The following CTNNA3 variants were observed in gnomAD, a reference collection of about 807,000 sequenced individuals.
The protein encoded by CTNNA3 is catenin alpha-3.
A neutral mutation model predicts 95.7 loss-of-function variants in CTNNA3; 76 were observed. The observed-to-expected ratio is 0.79, with a 90% CI of 0.66 to 0.96. The LOEUF is 0.96. CTNNA3 is among the 40% of genes least tolerant of loss of function. The probability of loss-of-function intolerance (pLI) is 0.00; values close to 1 mark genes in which losing one functional copy is unlikely to be tolerated. For missense variants in CTNNA3, 1,191 were observed against 1,089.8 expected (o/e 1.09, Z -1.31); for synonymous variants, 431 against 374.4 (o/e 1.15, Z -1.74).
At chr10:66,659,247 T>C (rs992304274) in intron 9 of CTNNA3, among the ~76,000 whole-genome samples, 1 of 151,614 alleles carries the variant, frequency 6.6e-6, no homozygotes, top group Admixed American at 6.6e-5. Context: ...ACTTCAGATA[T>C]ACAATGCTCA....
intron 13 of CTNNA3, among the ~76,000 whole-genome samples, chr10:66,122,297 T>A (rs2082617016): frequency 6.6e-6 from 1 of 151,848 alleles, no homozygotes; most frequent in Non-Finnish European, 1.5e-5. Flanking sequence ...ACTTCCCAAA[T>A]TGAAATGTGA....
At chr10:66,821,161 C>T (rs1057338843) in intron 7 of CTNNA3, among the ~76,000 whole-genome samples, 1 of 151,946 alleles carries the variant, frequency 6.6e-6, no homozygotes, top group Non-Finnish European at 1.5e-5. Context: ...ACATAGTTTC[C>T]TTGTAAATTT....
chr10:66,928,319 C>T, intron 7 of CTNNA3: 5 of 1,614,136 alleles, frequency 3.1e-6, no homozygotes, highest in Non-Finnish European at 4.2e-6. Flanking sequence ...AAAAGACAGT[C>T]CCTAAAGCAA....
At chr10:67,684,804 G>A (rs1021542576) in intron 1 of CTNNA3, among the ~76,000 whole-genome samples, 12 of 152,200 alleles carry the variant, frequency 7.9e-5, no homozygotes, top group South Asian at 4.1e-4. Flanking sequence ...TACAGGGCCC[G>A]AAGGTGAGTA....
intron 3 of CTNNA3, among the ~76,000 whole-genome samples, chr10:67,551,784 A>G (rs1187169536): frequency 6.6e-6 from 1 of 152,138 alleles, no homozygotes; most frequent in African/African-American, 2.4e-5. Flanking sequence ...ACTATCAATC[A>G]CACTATTTTA....
intron 4 of CTNNA3, among the ~76,000 whole-genome samples, chr10:67,526,078 A>T (rs1840135321): frequency 2.0e-5 from 3 of 152,248 alleles, no homozygotes. Context: ...AGTCAAAAAA[A>T]TAATATATTG....
At chr10:66,087,157 C>G (rs1033042440) in intron 14 of CTNNA3, among the ~76,000 whole-genome samples, 1 of 151,946 alleles carries the variant, frequency 6.6e-6, no homozygotes, top group Non-Finnish European at 1.5e-5. Context: ...AATAGCACAC[C>G]TGGTCAAACC....
At chr10:66,730,135 A>G (rs1475006285) in intron 9 of CTNNA3, among the ~76,000 whole-genome samples, 2 of 151,814 alleles carry the variant, frequency 1.3e-5, no homozygotes, top group African/African-American at 4.8e-5. Context: ...ATTCTATTAT[A>G]AAGATACATG....
chr10:66,827,908 A>G (rs1245894673), intron 7 of CTNNA3, among the ~76,000 whole-genome samples: 2 of 152,222 alleles, frequency 1.3e-5, no homozygotes, highest in Admixed American at 6.5e-5. Flanking sequence ...TTTGTAAGAG[A>G]TGAAACCGAG....
chr10:66,618,307 A>G (rs1844602974), intron 10 of CTNNA3, among the ~76,000 whole-genome samples: 1 of 151,992 alleles, frequency 6.6e-6, no homozygotes, highest in African/African-American at 2.4e-5. Context: ...CTGACTTCAA[A>G]CTATACTACA....
chr10:66,455,264 C>T (rs1036966672), intron 11 of CTNNA3, among the ~76,000 whole-genome samples: 3 of 152,038 alleles, frequency 2.0e-5, no homozygotes, highest in Non-Finnish European at 4.4e-5. Context: ...CTAACTACTA[C>T]AATAACAATT....
intron 7 of CTNNA3, among the ~76,000 whole-genome samples, chr10:66,831,007 A>T (rs1842703728): frequency 6.6e-6 from 1 of 152,210 alleles, no homozygotes; most frequent in Non-Finnish European, 1.5e-5. Context: ...TGACAGCTTT[A>T]AAGACAGTTA....
chr10:66,891,279 T>C (rs890347269), intron 7 of CTNNA3, among the ~76,000 whole-genome samples: 1 of 152,148 alleles, frequency 6.6e-6, no homozygotes, highest in South Asian at 2.1e-4. Flanking sequence ...ATTGAAAAGA[T>C]GAAGGGAAAT....
At chr10:66,879,978 G>A (rs574052399) in intron 7 of CTNNA3, among the ~76,000 whole-genome samples, 1 of 152,208 alleles carries the variant, frequency 6.6e-6, no homozygotes, top group Admixed American at 6.6e-5. Context: ...AAGGAAGGTT[G>A]AAGATGTTGC....
chr10:67,378,467 T>C (rs1462295299), intron 5 of CTNNA3, among the ~76,000 whole-genome samples: 1 of 151,542 alleles, frequency 6.6e-6, no homozygotes, highest in African/African-American at 2.4e-5. Context: ...CATTCTTTTT[T>C]AATGGATGTC....
chr10:67,616,659 A>G (rs1473658117), intron 2 of CTNNA3, among the ~76,000 whole-genome samples: 2 of 152,244 alleles, frequency 1.3e-5, no homozygotes, highest in Non-Finnish European at 2.9e-5. Flanking sequence ...TGAGGAAAGT[A>G]AAGGGACATG....
chr10:65,920,417 C>A lies in CTNNA3; in HGVS notation c.2601G>T (p.Thr867=). 1 of 1,614,126 alleles carries A rather than the reference C, an allele frequency of 6.2e-7. No individual in the cohort carries two copies. The highest frequency in any genetic ancestry group is 8.5e-7 in the Non-Finnish European group (1 of 1,179,998). Residue 867 remains threonine (T), a synonymous_variant, in exon 18 of 18, where the codon ACG becomes ACT. Transcript: ENST00000433211. The stretch of plus-strand genomic sequence containing the variant: ...CTGAGCCTCGTCTGACAGCTGCACA[C>A]GTTTCCTCTGGCTTCTCTCTTTTAA... ...PLIKREKPEE[T]CAAVRRGSAK... is the part of the protein sequence containing the mutation.
intron 2 of CTNNA3, among the ~76,000 whole-genome samples, chr10:67,645,774 A>T (rs2133477160): frequency 6.6e-6 from 1 of 151,952 alleles, no homozygotes; most frequent in African/African-American, 2.4e-5. Flanking sequence ...AGGCTACTTT[A>T]AAAAAACTGT....
intron 3 of CTNNA3, among the ~76,000 whole-genome samples, chr10:67,580,470 A>G (rs1842346864): frequency 6.6e-6 from 1 of 151,630 alleles, no homozygotes; most frequent in South Asian, 2.1e-4. Context: ...GCCTTGTAAT[A>G]TAGTTTGAAG....
Sources: allele counts gnomAD v4.1 joint callset (sites outside exome capture counted in the v4.1 genomes callset), GRCh38; gene constraint gnomAD v4.1.1; transcripts MANE v1.5; gene names NCBI Gene and HGNC (gene_info 2026-07-23, HGNC 2026-07-21).